The following MNAT1 variants were observed in gnomAD, a reference collection of about 807,000 sequenced individuals.
MNAT1 encodes MNAT1 component of CDK activating kinase, also known as CDK-activating kinase assembly factor MAT1.
A neutral mutation model predicts 42.0 loss-of-function variants in MNAT1; 43 were observed. That is an observed-to-expected ratio of 1.02 (90% CI 0.80 to 1.32). The LOEUF is 1.32. MNAT1 is among the 40% of genes most tolerant of loss of function. The probability of loss-of-function intolerance (pLI) is 0.00; values close to 1 mark genes in which losing one functional copy is unlikely to be tolerated. For synonymous variants in MNAT1, 118 were observed against 120.0 expected (o/e 0.98, Z 0.11); for missense variants, 306 against 350.4 (o/e 0.87, Z 1.01).
intron 7 of MNAT1, among the ~76,000 whole-genome samples, chr14:60,913,246 T>C (rs1370535184): frequency 6.6e-6 from 1 of 152,152 alleles, no homozygotes; most frequent in Non-Finnish European, 1.5e-5. Context: ...TTTTCAAAGT[T>C]TTTAACTTCT....
chr14:60,912,842 C>T (rs571441373), intron 7 of MNAT1, among the ~76,000 whole-genome samples: 4 of 152,100 alleles, frequency 2.6e-5, no homozygotes, highest in Admixed American at 6.5e-5. Context: ...TAGTGGCGTT[C>T]TCTGTATTTC....
intron 3 of MNAT1, among the ~76,000 whole-genome samples, chr14:60,807,927 T>C (rs898323422): frequency 2.6e-5 from 4 of 152,102 alleles, no homozygotes; most frequent in African/African-American, 9.7e-5. Context: ...TATAAAAATA[T>C]ATGATTTTTT....
chr14:60,852,412 T>G (rs1021375276), intron 6 of MNAT1, among the ~76,000 whole-genome samples: 1 of 152,150 alleles, frequency 6.6e-6, no homozygotes, highest in African/African-American at 2.4e-5. Context: ...TTCTTGTAAA[T>G]TTGTTTAAGT....
intron 7 of MNAT1, among the ~76,000 whole-genome samples, chr14:60,930,523 A>AAG (rs2035863857): frequency 1.3e-5 from 2 of 152,182 alleles, no homozygotes; most frequent in Non-Finnish European, 2.9e-5. Context: ...AAGACCAATT[A>AAG]GCCATAATTC....
chr14:60,761,944 T>A (rs1458546782), intron 1 of MNAT1, among the ~76,000 whole-genome samples: 2 of 152,238 alleles, frequency 1.3e-5, no homozygotes, highest in African/African-American at 2.4e-5. Context: ...TAAATTAATG[T>A]CCCGGCTGTA....
intron 3 of MNAT1, among the ~76,000 whole-genome samples, chr14:60,802,801 T>G (rs1262890490): frequency 6.6e-6 from 1 of 152,132 alleles, no homozygotes; most frequent in East Asian, 1.9e-4. Context: ...TTTTGTTTTG[T>G]TGGGTGAAGC....
chr14:60,766,844 GA>G (rs1412588017), intron 1 of MNAT1, among the ~76,000 whole-genome samples: 4 of 152,212 alleles, frequency 2.6e-5, no homozygotes, highest in Non-Finnish European at 4.4e-5. Context: ...ACAACAAGAT[GA>G]ATTGGGTAGG....
At chr14:60,882,084 C>A (rs1179968592) in intron 7 of MNAT1, among the ~76,000 whole-genome samples, 1 of 152,148 alleles carries the variant, frequency 6.6e-6, no homozygotes, top group African/African-American at 2.4e-5. Context: ...TCACTTGAAC[C>A]TGGGAGGCAG....
chr14:60,950,838 AT>A (rs1178839514), intron 7 of MNAT1, among the ~76,000 whole-genome samples: 1 of 152,232 alleles, frequency 6.6e-6, no homozygotes, highest in Non-Finnish European at 1.5e-5. Flanking sequence ...TTAGAGCTAT[AT>A]CTTAACTAAT....
chr14:60,735,839 A>AT (rs1296973272), intron 1 of MNAT1, among the ~76,000 whole-genome samples: 1 of 152,242 alleles, frequency 6.6e-6, no homozygotes, highest in Non-Finnish European at 1.5e-5. Flanking sequence ...GCACTTTGAG[A>AT]TAAAAAGGTG....
chr14:60,734,800 G>A lies in MNAT1; in HGVS notation c.-63G>A, dbSNP rs1038958659. The A allele has an allele frequency of 1.1e-5, 16 of 1,511,704 alleles. No homozygotes were observed. The African/African-American group carries it at 2.2e-4, about 21-fold the overall frequency. 93.6% of individuals were successfully genotyped at this position (1,511,704 alleles called of 1,614,324 possible). ...AGGAACCTGCTTGGTCGCGTCTGAG[G>A]GGGCTTGTAGGTGGCTCTGGCTGAA... On this transcript the variant is annotated 5_prime_UTR_variant, in exon 1 of 8. Coordinates refer to ENST00000261245, the MANE Select transcript of MNAT1 (RefSeq NM_002431.4). This position sits in a 1 kb window ranked among gnomAD's most constrained non-coding sequence, Gnocchi z 4.3.
intron 7 of MNAT1, among the ~76,000 whole-genome samples, chr14:60,907,081 C>G (rs1010879175): frequency 6.6e-5 from 10 of 151,964 alleles, no homozygotes; most frequent in Non-Finnish European, 1.5e-4. Flanking sequence ...TTTTTAACTC[C>G]CCTATGGTAC....
At position 60,906,708 on chromosome 14, in the gene MNAT1, A is replaced by G. The variant is rs566417033; in HGVS notation, c.809+26873A>G. Among the ~76,000 whole-genome samples the G allele has an allele frequency of 8.9e-4, 136 of 152,314 alleles. 1 individual carries two copies. Among genetic ancestry groups the G allele is most frequent in the Middle Eastern group, 3.4e-3 (1 of 294 alleles). ...GTTGTTTATAGAGATTTTTTAAAATAATAAAACTGAATAAAAGTCTTTTTA... is the reference window on the plus strand; with the variant it reads ...GTTGTTTATAGAGATTTTTTAAAATGATAAAACTGAATAAAAGTCTTTTTA... On this transcript the variant is annotated intron_variant, in intron 7 of 7. Transcript: ENST00000261245.
chr14:60,930,230 A>ATTATTC (rs2035858707), intron 7 of MNAT1, among the ~76,000 whole-genome samples: 2 of 146,572 alleles, frequency 1.4e-5, no homozygotes, highest in South Asian at 4.2e-4. Context: ...TATTATTATT[A>ATTATTC]TTATTATTAT....
intron 7 of MNAT1, among the ~76,000 whole-genome samples, chr14:60,912,837 G>T (rs905324611): frequency 1.3e-5 from 2 of 152,096 alleles, no homozygotes; most frequent in African/African-American, 4.8e-5. Context: ...TATCTTAGTG[G>T]CGTTCTCTGT....
chr14:60,893,508 G>A (rs1347596099), intron 7 of MNAT1, among the ~76,000 whole-genome samples: 1 of 152,170 alleles, frequency 6.6e-6, no homozygotes, highest in South Asian at 2.1e-4. Flanking sequence ...TGACAGAATA[G>A]TAGATTCTGA....
intron 3 of MNAT1, among the ~76,000 whole-genome samples, chr14:60,804,713 A>G (rs1300058902): frequency 6.6e-6 from 1 of 152,022 alleles, no homozygotes; most frequent in Non-Finnish European, 1.5e-5. Flanking sequence ...AAAGTTTTTA[A>G]TTTTATTTTT....
intron 7 of MNAT1, among the ~76,000 whole-genome samples, chr14:60,904,849 C>G (rs1177473177): frequency 6.6e-6 from 1 of 151,918 alleles, no homozygotes; most frequent in Non-Finnish European, 1.5e-5. Flanking sequence ...ACTTTGTTTA[C>G]TTCTCCCGTA....
chr14:60,799,902 A>G (rs1411957105), intron 3 of MNAT1, among the ~76,000 whole-genome samples: 1 of 152,084 alleles, frequency 6.6e-6, no homozygotes, highest in African/African-American at 2.4e-5. Context: ...GGCTCAGACC[A>G]TTTAATTTGA....
Sources: gnomAD v4.1 joint callset for allele counts (sites outside exome capture counted in the v4.1 genomes callset) on GRCh38, gnomAD v4.1.1 for gene constraint, Gnocchi (gnomAD v3.1) non-coding constraint, MANE v1.5 for transcripts, NCBI Gene and HGNC (gene_info 2026-07-23, HGNC 2026-07-21) for gene names.